Variants in GBF1 observed in about 807,000 individuals in gnomAD.
The protein encoded by GBF1 is golgi brefeldin A resistant guanine nucleotide exchange factor 1.
Under a neutral mutation model 210.5 loss-of-function variants are expected in GBF1, and 114 were observed. The observed-to-expected ratio is 0.54, with a 90% CI of 0.47 to 0.63. The LOEUF (loss-of-function observed/expected upper bound fraction) is 0.63. GBF1 is among the 30% of genes least tolerant of loss of function. The pLI, the probability that GBF1 is intolerant of heterozygous loss-of-function variation, is 0.00. For missense variants in GBF1, 1,851 were observed against 2,357.7 expected, an observed-to-expected ratio of 0.79 and a Z score of 4.45; for synonymous variants, 850 against 889.2, an observed-to-expected ratio of 0.96 and a Z score of 0.78.
At chr10:102,321,879 G>A (rs139677297) in intron 3 of GBF1, among the ~76,000 whole-genome samples, 1,558 of 152,220 alleles carry the variant, frequency 0.01, 23 homozygotes, top group African/African-American at 0.036. Flanking sequence ...TTGTTTTTGA[G>A]ACAGGGTCTT....
At chr10:102,324,556 G>A (rs1442300744) in intron 3 of GBF1, among the ~76,000 whole-genome samples, 1 of 152,102 alleles carries the variant, frequency 6.6e-6, no homozygotes, top group African/African-American at 2.4e-5. Context: ...ACCATTGGGT[G>A]GTCTTGGGCA....
At chr10:102,344,392 C>T (rs2058392943) in intron 4 of GBF1, among the ~76,000 whole-genome samples, 1 of 152,174 alleles carries the variant, frequency 6.6e-6, no homozygotes, top group Admixed American at 6.5e-5. Flanking sequence ...AAGAAGTTTT[C>T]CTTGGCACTC....
At chr10:102,249,850 C>T (rs1283838851) in intron 1 of GBF1, among the ~76,000 whole-genome samples, 1 of 152,098 alleles carries the variant, frequency 6.6e-6, no homozygotes, top group Non-Finnish European at 1.5e-5. Context: ...CGCCACCACA[C>T]CCAGCTAATT....
chr10:102,367,305 G>A, intron 20 of GBF1, 95 bp downstream of exon 20: 3 of 1,386,670 alleles, frequency 2.2e-6, no homozygotes, highest in South Asian at 1.2e-5. Flanking sequence ...GATGGATGGG[G>A]TTCTGTCCAA....
chr10:102,260,610 TG>T (rs1185709983), intron 3 of GBF1, among the ~76,000 whole-genome samples: 1 of 150,700 alleles, frequency 6.6e-6, no homozygotes, highest in East Asian at 2.0e-4. Context: ...CCTAAGTAGC[TG>T]GGATTACAGG....
chr10:102,234,851 T>C, the GBF1 span, among the ~76,000 whole-genome samples: 3 of 152,144 alleles, frequency 2.0e-5, no homozygotes, highest in Non-Finnish European at 2.9e-5. Flanking sequence ...CGGCATTCCA[T>C]ACCTGCATCT....
At chr10:102,317,350 G>T (rs1435494441) in intron 3 of GBF1, among the ~76,000 whole-genome samples, 1 of 152,206 alleles carries the variant, frequency 6.6e-6, no homozygotes, top group East Asian at 1.9e-4. Flanking sequence ...TGGGCATGGT[G>T]GCTCATGCCT....
chr10:102,369,512 G>C (rs1164839284), intron 24 of GBF1, 125 bp downstream of exon 24: 2 of 884,646 alleles, frequency 2.3e-6, no homozygotes, highest in Non-Finnish European at 3.5e-6. Context: ...AGCTCACCAG[G>C]AATGCCTCAA....
At chr10:102,368,948 C>G (rs375772705) in intron 23 of GBF1, 116 bp downstream of exon 23, 2 of 713,178 alleles carry the variant, frequency 2.8e-6, no homozygotes, top group Admixed American at 2.4e-5. Context: ...TCACTGCCCC[C>G]ACTTGAATAT....
At chr10:102,359,529 A>G in intron 11 of GBF1, 94 bp downstream of exon 11, 2 of 862,978 alleles carry the variant, frequency 2.3e-6, no homozygotes, top group East Asian at 4.9e-5. Context: ...ATATTGGACT[A>G]CTGCCTGTTG....
intron 29 of GBF1, 76 bp downstream of exon 29, chr10:102,370,936 C>T: frequency 7.3e-7 from 1 of 1,374,918 alleles, no homozygotes; most frequent in Non-Finnish European, 1.0e-6. Flanking sequence ...TGAATATGGC[C>T]TGAGACAGAG....
chr10:102,324,600 T>A (rs1373084923), intron 3 of GBF1, among the ~76,000 whole-genome samples: 1 of 152,134 alleles, frequency 6.6e-6, no homozygotes, highest in Admixed American at 6.5e-5. Flanking sequence ...CTTTTTTTTT[T>A]ATTTGAGACG....
intron 8 of GBF1, among the ~76,000 whole-genome samples, chr10:102,356,879 T>C (rs913768023): frequency 1.3e-5 from 2 of 151,826 alleles, no homozygotes; most frequent in African/African-American, 4.8e-5. Flanking sequence ...GTGATAGAGA[T>C]TGTCCCTTGC....
chr10:102,350,990 G>C (rs1162280872), intron 4 of GBF1, among the ~76,000 whole-genome samples: 1 of 151,788 alleles, frequency 6.6e-6, no homozygotes, highest in African/African-American at 2.4e-5. Flanking sequence ...GGGAGGCTAA[G>C]GCAGGAAAAT....
intron 8 of GBF1, 142 bp from the exon 9 acceptor site, chr10:102,357,897 A>T (rs1301056961): frequency 1.5e-6 from 1 of 665,096 alleles, no homozygotes; most frequent in Non-Finnish European, 2.7e-6. Context: ...TAGGAATGTG[A>T]ACTGATGGTC....
At chr10:102,269,985 T>C (rs1389292360) in intron 3 of GBF1, among the ~76,000 whole-genome samples, 1 of 151,912 alleles carries the variant, frequency 6.6e-6, no homozygotes, top group Non-Finnish European at 1.5e-5. Flanking sequence ...TTCACGCCAT[T>C]CTCCTGCCTC....
intron 1 of GBF1, among the ~76,000 whole-genome samples, chr10:102,246,168 T>C (rs2070805201): frequency 6.6e-6 from 1 of 152,198 alleles, no homozygotes; most frequent in Non-Finnish European, 1.5e-5. Context: ...AGACTTTAGA[T>C]GTGAAAGTCT....
the GBF1 span, among the ~76,000 whole-genome samples, chr10:102,233,625 A>G: frequency 4.6e-5 from 7 of 151,938 alleles, no homozygotes; most frequent in South Asian, 6.2e-4. Flanking sequence ...TTATTTCTGA[A>G]GAGATTTCAT....
intron 3 of GBF1, among the ~76,000 whole-genome samples, chr10:102,317,278 T>C (rs1282432647): frequency 6.6e-6 from 1 of 152,070 alleles, no homozygotes. Flanking sequence ...AAAATAATAA[T>C]AGCCCATGTC....
Sources: gnomAD v4.1 joint callset for allele counts (sites outside exome capture counted in the v4.1 genomes callset) on GRCh38, gnomAD v4.1.1 for gene constraint, MANE v1.5 for transcripts, NCBI Gene and HGNC (gene_info 2026-07-23, HGNC 2026-07-21) for gene names.